Variants in TMEM182 observed in about 807,000 individuals in gnomAD.
TMEM182 encodes the protein transmembrane protein 182.
TMEM182 carries 20 observed loss-of-function variants against 26.8 expected under a neutral mutation model. The observed-to-expected ratio is 0.75, with a 90% CI of 0.53 to 1.09. The LOEUF is 1.09. TMEM182 is among the 50% of genes least tolerant of loss of function. The pLI is 0.00. For synonymous variants in TMEM182, 109 were observed against 102.2 expected (o/e 1.07, Z -0.40); for missense variants, 277 against 275.5 (o/e 1.01, Z -0.04).
chr2:102,796,315 G>C (rs951898697), intron 3 of TMEM182, among the ~76,000 whole-genome samples: 1 of 152,086 alleles, frequency 6.6e-6, no homozygotes, highest in African/African-American at 2.4e-5. Context: ...TCCTTATATG[G>C]TTGCTTGTCA....
upstream of TMEM182, among the ~76,000 whole-genome samples, chr2:102,757,691 C>T (rs1174322863): frequency 6.6e-6 from 1 of 152,172 alleles, no homozygotes; most frequent in Non-Finnish European, 1.5e-5. Context: ...CCTGATGACT[C>T]AGTGTTTTAT....
intron 3 of TMEM182, among the ~76,000 whole-genome samples, chr2:102,766,895 GT>G: frequency 6.6e-6 from 1 of 152,300 alleles, no homozygotes; most frequent in Middle Eastern, 3.4e-3. Flanking sequence ...ATATAGTGGT[GT>G]ATGATTTTTC....
At chr2:102,836,122 A>G (rs1053104211) in intron 3 of TMEM182, among the ~76,000 whole-genome samples, 2 of 152,184 alleles carry the variant, frequency 1.3e-5, no homozygotes, top group African/African-American at 4.8e-5. Flanking sequence ...GAGGTACCAC[A>G]GTTCTCTTTG....
At chr2:102,802,535 T>C (rs1294161448) in intron 4 of TMEM182, among the ~76,000 whole-genome samples, 1 of 152,202 alleles carries the variant, frequency 6.6e-6, no homozygotes, top group Non-Finnish European at 1.5e-5. Flanking sequence ...TGCTGCTGTT[T>C]GTTTTAACGT....
intron 1 of TMEM182, 81 bp downstream of exon 1, chr2:102,762,430 T>C: frequency 6.4e-7 from 1 of 1,574,776 alleles, no homozygotes; most frequent in Admixed American, 1.8e-5. Context: ...CAGAGAATAG[T>C]AGTGGAGTGT....
chr2:102,801,006 G>T (rs1401002847), intron 4 of TMEM182, among the ~76,000 whole-genome samples: 1 of 151,820 alleles, frequency 6.6e-6, no homozygotes, highest in Non-Finnish European at 1.5e-5. Flanking sequence ...TTTTCTTTTT[G>T]TTTTTATTGT....
chr2:102,788,788 C>A (rs189096133), intron 3 of TMEM182, among the ~76,000 whole-genome samples: 2 of 152,124 alleles, frequency 1.3e-5, no homozygotes, highest in African/African-American at 4.8e-5. Flanking sequence ...TCTCCTGAAT[C>A]GGGCAAGTTT....
At chr2:102,787,313 G>C (rs181998188) in intron 3 of TMEM182, among the ~76,000 whole-genome samples, 3 of 152,322 alleles carry the variant, frequency 2.0e-5, no homozygotes, top group Admixed American at 2.0e-4. Context: ...GGCTGGGTTT[G>C]AGCAGGGCTC....
intron 3 of TMEM182, among the ~76,000 whole-genome samples, chr2:102,839,797 C>G (rs2104782553): frequency 1.3e-5 from 2 of 152,260 alleles, no homozygotes; most frequent in Admixed American, 1.3e-4. Context: ...GTGGTGCTAT[C>G]ACTCTCAGCG....
At chr2:102,843,209 T>C (rs761633599) in intron 3 of TMEM182, among the ~76,000 whole-genome samples, 4 of 152,086 alleles carry the variant, frequency 2.6e-5, no homozygotes, top group Non-Finnish European at 2.9e-5. Context: ...AGTTGTCTCT[T>C]TTTCTCCCTT....
At chr2:102,744,807 C>G (rs1388962357) in intron 1 of TMEM182, among the ~76,000 whole-genome samples, 2 of 152,014 alleles carry the variant, frequency 1.3e-5, no homozygotes, top group African/African-American at 4.8e-5. Flanking sequence ...GTCTTTTTTG[C>G]CTTTGACTGT....
At chr2:102,807,413 AGTT>A (rs1175514621) in intron 4 of TMEM182, among the ~76,000 whole-genome samples, 2 of 152,270 alleles carry the variant, frequency 1.3e-5, no homozygotes, top group African/African-American at 4.8e-5. Flanking sequence ...ATTATGCATT[AGTT>A]GTTCTGTAAT....
chr2:102,801,471 A>C (rs911620996), intron 4 of TMEM182, among the ~76,000 whole-genome samples: 2 of 152,224 alleles, frequency 1.3e-5, no homozygotes, highest in Admixed American at 1.3e-4. Flanking sequence ...TGTGGTAGGT[A>C]TGTAACTCAG....
chr2:102,758,328 TTTCTTAGGC>T, upstream of TMEM182: 2 of 619,378 alleles, frequency 3.2e-6, no homozygotes, highest in Non-Finnish European at 5.9e-6. Context: ...GCATGGACAT[TTTCTTAGGC>T]TTCTAAGATT....
chr2:102,743,416 C>T (rs1344867560), intron 1 of TMEM182, among the ~76,000 whole-genome samples: 3 of 152,050 alleles, frequency 2.0e-5, no homozygotes, highest in Non-Finnish European at 1.5e-5. Context: ...GAGGATCATT[C>T]GAGCTCAGGA....
downstream of TMEM182, among the ~76,000 whole-genome samples, chr2:102,821,987 C>CAA (rs57270388): frequency 2.9e-3 from 304 of 103,174 alleles, 1 homozygote; most frequent in African/African-American, 9.7e-3. Context: ...GACTCTGTCT[C>CAA]AAAAAAAAAA....
chr2:102,839,447 C>CTATA (rs10691405), intron 3 of TMEM182, among the ~76,000 whole-genome samples: 10,076 of 134,144 alleles, frequency 0.075, 417 homozygotes, highest in African/African-American at 0.1. Context: ...TGATGTTTTG[C>CTATA]TATATATATA....
chr2:102,779,815 G>A (rs1396654714), intron 3 of TMEM182, among the ~76,000 whole-genome samples: 2 of 152,012 alleles, frequency 1.3e-5, no homozygotes, highest in East Asian at 3.9e-4. Context: ...TGGCCAACAT[G>A]ATGAAACACC....
At chr2:102,803,795 AG>A (rs897505928) in intron 4 of TMEM182, among the ~76,000 whole-genome samples, 13 of 152,102 alleles carry the variant, frequency 8.5e-5, no homozygotes, top group Non-Finnish European at 1.8e-4. Flanking sequence ...GCAAGTCAAG[AG>A]CAGGACGGCT....
Sources: allele counts gnomAD v4.1 joint callset (sites outside exome capture counted in the v4.1 genomes callset), GRCh38; gene constraint gnomAD v4.1.1; transcripts MANE v1.5; gene names NCBI Gene and HGNC (gene_info 2026-07-23, HGNC 2026-07-21).